SLC38A4: variants seen among roughly 807,000 people sequenced by gnomAD.
The protein encoded by SLC38A4 is sodium-coupled neutral amino acid transporter 4.
A neutral mutation model predicts 63.1 loss-of-function variants in SLC38A4; 20 were observed. The observed-to-expected ratio is 0.32, with a 90% CI of 0.22 to 0.46. SLC38A4 has a LOEUF of 0.46. SLC38A4 is among the 20% of genes least tolerant of loss of function. The pLI is 1.00. For synonymous variants in SLC38A4, 230 were observed against 225.5 expected (o/e 1.02, Z -0.18); for missense variants, 526 against 663.6 (o/e 0.79, Z 2.28).
At chr12:46,772,298 A>G (rs1214643122) in intron 14 of SLC38A4, among the ~76,000 whole-genome samples, 1 of 152,080 alleles carries the variant, frequency 6.6e-6, no homozygotes. Flanking sequence ...ACACTTCAAA[A>G]CAGGAGATCT....
At chr12:46,801,179 ATAATT>A (rs1482530211) in intron 2 of SLC38A4, among the ~76,000 whole-genome samples, 2 of 152,142 alleles carry the variant, frequency 1.3e-5, no homozygotes, top group Non-Finnish European at 2.9e-5. Context: ...TTATATTAGA[ATAATT>A]TCATTTCTAT....
chr12:46,786,452 A>C (rs532519667), intron 5 of SLC38A4, among the ~76,000 whole-genome samples: 34 of 152,212 alleles, frequency 2.2e-4, no homozygotes, highest in Non-Finnish European at 3.4e-4. Context: ...TCATTTTAAA[A>C]AGTGGAACAT....
chr12:46,778,778 T>A lies in SLC38A4; in HGVS notation c.718-2A>T. 1 of 1,606,736 alleles carries A rather than the reference T, an allele frequency of 6.2e-7. No homozygotes were observed. The highest frequency in any genetic ancestry group is 8.5e-7 in the Non-Finnish European group (1 of 1,175,650). ...TATTTGGAATTTCTTGTAAATCACC[T>A]AGACTCAGTCATTAAAAAAGAAAAA... is the stretch of plus-strand genomic sequence containing the variant. On this transcript the variant is annotated splice_acceptor_variant, in intron 10 of 16. Transcript: ENST00000266579. LOFTEE classifies it high-confidence loss of function.
intron 1 of SLC38A4, among the ~76,000 whole-genome samples, chr12:46,823,106 A>G (rs1939584284): frequency 6.6e-6 from 1 of 152,188 alleles, no homozygotes; most frequent in Admixed American, 6.5e-5. Flanking sequence ...AATGCCTGCA[A>G]TGTTGAGCAT....
At chr12:46,768,497 A>G in intron 15 of SLC38A4, 90 bp from the exon 16 acceptor site, 1 of 833,298 alleles carries the variant, frequency 1.2e-6, no homozygotes, top group Non-Finnish European at 1.9e-6. Context: ...TAAACCAAAT[A>G]TAAAGCTATC....
intron 7 of SLC38A4, among the ~76,000 whole-genome samples, chr12:46,783,227 T>TGATA (rs66798597): frequency 0.26 from 37,118 of 143,624 alleles, 4,972 homozygotes; most frequent in Middle Eastern, 0.32. Context: ...AATTGATAGA[T>TGATA]GATAGATAGA....
chr12:46,806,426 T>C (rs1939233526), intron 1 of SLC38A4, among the ~76,000 whole-genome samples: 1 of 151,776 alleles, frequency 6.6e-6, no homozygotes, highest in South Asian at 2.1e-4. Context: ...GATGATGGTG[T>C]GGAGGTGGTG....
rs991274855 is a variant in SLC38A4 at position 46,784,528 on chromosome 12, G to C, written c.493+14C>G. 1 of 1,601,898 alleles carries C rather than the reference G, an allele frequency of 6.2e-7. No individual in the cohort carries two copies. Among genetic ancestry groups the C allele is most frequent in the East Asian group, 2.2e-5 (1 of 44,628 alleles). ...GAAAGTTTATGGGATCCATTGAAAA[G>C]TATATCCCCTTACCTCCAATGTTCT... On this transcript the variant is annotated intron_variant, in intron 7 of 16. Coordinates refer to ENST00000266579, the MANE Select transcript of SLC38A4 (RefSeq NM_018018.5).
intron 5 of SLC38A4, 54 bp from the exon 6 acceptor site, chr12:46,785,231 A>G: frequency 7.6e-7 from 1 of 1,315,040 alleles, no homozygotes; most frequent in Non-Finnish European, 1.1e-6. Context: ...ATAAAATGTA[A>G]TTATGTTAGA....
intron 5 of SLC38A4, among the ~76,000 whole-genome samples, chr12:46,785,738 C>CCT (rs1489385010): frequency 2.5e-4 from 17 of 66,924 alleles, no homozygotes; most frequent in African/African-American, 8.5e-4. Context: ...ACGAAAATTC[C>CCT]TTTTTTTTTT....
At chr12:46,773,261 T>A (rs1215138404) in intron 14 of SLC38A4, among the ~76,000 whole-genome samples, 1 of 152,034 alleles carries the variant, frequency 6.6e-6, no homozygotes, top group Non-Finnish European at 1.5e-5. Flanking sequence ...AAAGCAAGAT[T>A]CATTTGAAGA....
chr12:46,803,046 G>A (rs1391451319), intron 2 of SLC38A4, among the ~76,000 whole-genome samples: 1 of 151,980 alleles, frequency 6.6e-6, no homozygotes, highest in African/African-American at 2.4e-5. Flanking sequence ...AAATTAAGAA[G>A]AAAAGGTAAG....
In SLC38A4 at chr12:46,779,799, A is replaced by C; in HGVS notation, c.639T>G (p.Leu213=). ...CTTTACCTAAATTTTTAAGGAGCGAAAGTGGAAGAATAATTCCAACAGACA... is the reference window on the plus strand; with the variant it reads ...CTTTACCTAAATTTTTAAGGAGCGACAGTGGAAGAATAATTCCAACAGACA... ...IFVSVGIILP[L]SLLKNLGYLG... Residue 213 remains leucine, a synonymous_variant, in exon 9 of 17, where the codon CTT becomes CTG. Transcript: ENST00000266579. The C allele has an allele frequency of 6.2e-7, 1 of 1,611,244 alleles. No individual in the cohort carries two copies. The highest frequency in any genetic ancestry group is 8.5e-7 in the Non-Finnish European group (1 of 1,178,768).
intron 1 of SLC38A4, among the ~76,000 whole-genome samples, chr12:46,807,442 C>T (rs973571426): frequency 2.0e-5 from 3 of 151,804 alleles, no homozygotes; most frequent in Non-Finnish European, 4.4e-5. Flanking sequence ...CAGGTCTTTC[C>T]TAAAAAGTGG....
intron 3 of SLC38A4, among the ~76,000 whole-genome samples, chr12:46,788,903 A>G (rs1938822366): frequency 1.3e-5 from 2 of 152,206 alleles, no homozygotes; most frequent in African/African-American, 2.4e-5. Flanking sequence ...TTAGCTATGC[A>G]AGAGACTACA....
At chr12:46,775,297 C>T in intron 13 of SLC38A4, 124 bp from the exon 14 acceptor site, 1 of 1,207,726 alleles carries the variant, frequency 8.3e-7, no homozygotes, top group Non-Finnish European at 1.1e-6. Flanking sequence ...AATCCAGGCA[C>T]CTCTGGTCTT....
At chr12:46,831,394 A>G (rs914982841) in intron 1 of SLC38A4, among the ~76,000 whole-genome samples, 7 of 151,864 alleles carry the variant, frequency 4.6e-5, no homozygotes, top group Admixed American at 6.6e-5. Flanking sequence ...CCTGTAATCA[A>G]TTCCCGCCTT....
chr12:46,832,152 T>C (rs141596494), intron 1 of SLC38A4, among the ~76,000 whole-genome samples: 49 of 152,166 alleles, frequency 3.2e-4, no homozygotes, highest in African/African-American at 1.0e-3. Flanking sequence ...ACTATGAGCA[T>C]GTCATGAAGA....
At chr12:46,788,723 A>G in intron 3 of SLC38A4, 105 bp from the exon 4 acceptor site, 1 of 989,654 alleles carries the variant, frequency 1.0e-6, no homozygotes, top group Non-Finnish European at 1.5e-6. Flanking sequence ...GAGGAGGGGA[A>G]ATAAGACACC....
Sources: gnomAD v4.1 joint callset for allele counts (sites outside exome capture counted in the v4.1 genomes callset) on GRCh38, gnomAD v4.1.1 for gene constraint, MANE v1.5 for transcripts, NCBI Gene and HGNC (gene_info 2026-07-23, HGNC 2026-07-21) for gene names.